The following UBE2Q1 variants were observed in gnomAD, a reference collection of about 807,000 sequenced individuals.
UBE2Q1 encodes the protein ubiquitin-conjugating enzyme E2 Q1.
UBE2Q1 carries 6 observed loss-of-function variants against 60.1 expected under a neutral mutation model. The ratio of observed to expected loss-of-function variants is 0.10; its 90% CI spans 0.05 to 0.20. The LOEUF (loss-of-function observed/expected upper bound fraction) is 0.20. Among genes scored for constraint, UBE2Q1 ranks in the 10% least tolerant of loss-of-function variants. UBE2Q1 has a pLI of 1.00. For synonymous variants in UBE2Q1, 226 were observed against 208.3 expected, an observed-to-expected ratio of 1.09 and a Z score of -0.73; for missense variants, 262 against 525.8, an observed-to-expected ratio of 0.50 and a Z score of 4.91.
intron 3 of UBE2Q1, 112 bp downstream of exon 3, chr1:154,555,315 GT>G: frequency 4.4e-6 from 4 of 898,878 alleles, no homozygotes; most frequent in Non-Finnish European, 7.3e-6. Flanking sequence ...AGACGTGTAT[GT>G]TTTTGGGAGC....
chr1:154,555,987 A>G, intron 1 of UBE2Q1, 23 bp from the exon 2 acceptor site: 1 of 1,607,756 alleles, frequency 6.2e-7, no homozygotes, highest in Non-Finnish European at 8.5e-7. Context: ...GAGCAATAAG[A>G]GCAATCAAAA....
chr1:154,555,574 T>C, intron 2 of UBE2Q1, 42 bp from the exon 3 acceptor site: 1 of 1,574,528 alleles, frequency 6.4e-7, no homozygotes, highest in Non-Finnish European at 8.7e-7. Flanking sequence ...CCTTCCCCAC[T>C]CCGATCTGGA....
Position 154,558,465 on chromosome 1 carries a change from C to T in UBE2Q1, c.89G>A (p.Gly30Asp), listed in dbSNP as rs1398856343. 2.4e-6 allele frequency: 3 copies of T among 1,250,466 alleles called. No individual in the cohort carries two copies. The highest frequency in any genetic ancestry group is 3.1e-6 in the Non-Finnish European group (3 of 975,454). The allele number at this position is 1,250,466 out of a possible 1,614,324, so 77.5% of individuals were successfully genotyped here. Reference protein sequence around the residue: ...GQGAAPGAGGGPGGGPGPGPC... With the variant: ...GQGAAPGAGGDPGGGPGPGPC... The stretch of plus-strand genomic sequence containing the variant: ...CCCCGGCCCCGGGCCCCCCCCTGGG[C>T]CGCCCCCGGCCCCCGGCGCCGCCCC... Residue 30 changes from glycine (G) to aspartate (D), a missense_variant, in exon 1 of 13, where the codon GGC becomes GAC. Gly to Asp is a moderately conservative substitution (Grantham distance 94). Around this residue, in one of 5 missense-constraint regions of UBE2Q1, gnomAD observed 70 missense variants for 56.7 expected, o/e 1.24. Transcript: ENST00000292211.
Position 154,550,305 on chromosome 1 carries a change from G to C in UBE2Q1, c.*133C>G. ...CGTTTAGAATAGCCATCATTGTCCTGCAATAGGCAGAGCTATCACGTCCAG... is the reference window on the plus strand; with the variant it reads ...CGTTTAGAATAGCCATCATTGTCCTCCAATAGGCAGAGCTATCACGTCCAG... On this transcript the variant is annotated 3_prime_UTR_variant, in exon 13 of 13. Transcript: ENST00000292211. 1 of 1,187,986 alleles carries C rather than the reference G, an allele frequency of 8.4e-7. No homozygotes were observed. Among genetic ancestry groups the C allele is most frequent in the Non-Finnish European group, 1.2e-6 (1 of 816,300 alleles). The allele number at this position is 1,187,986 out of a possible 1,614,324, so 73.6% of individuals were successfully genotyped here.
At position 154,554,801 on chromosome 1, in the gene UBE2Q1, G is replaced by C. The variant is rs768233777; in HGVS notation, c.538-16C>G. The stretch of plus-strand genomic sequence containing the variant: ...CCTGTGTGCACTGCAGCAAGGAAGG[G>C]AAAGATGGAGATCAGAGCCCCAGTG... On this transcript the variant is annotated splice_polypyrimidine_tract_variant and intron_variant, in intron 3 of 12. Transcript: ENST00000292211. 3.7e-6 allele frequency: 6 copies of C among 1,612,696 alleles called. No homozygotes were observed. The highest frequency in any genetic ancestry group is 3.3e-5 in the Admixed American group (2 of 59,972).
rs1695936415 is a variant in UBE2Q1 at position 154,558,579 on chromosome 1, C to G, written c.-26G>C. ...CCTCCGCTCCGCTCCGCTCCGGGGCCGGCGGGCCGGGAGCCTCCGGCCTGC... is the reference window on the plus strand; with the variant it reads ...CCTCCGCTCCGCTCCGCTCCGGGGCGGGCGGGCCGGGAGCCTCCGGCCTGC... On this transcript the variant is annotated 5_prime_UTR_variant, in exon 1 of 13. Coordinates refer to ENST00000292211, the MANE Select transcript of UBE2Q1 (RefSeq NM_017582.7). 1 of 1,018,848 alleles carries G rather than the reference C, an allele frequency of 9.8e-7. No individual in the cohort carries two copies. The highest frequency in any genetic ancestry group is 1.2e-6 in the Non-Finnish European group (1 of 856,164). 63.1% of individuals were successfully genotyped at this position (1,018,848 alleles called of 1,614,324 possible). A position where few individuals can be genotyped will look rare whatever the true frequency, so the allele number is the denominator to read the frequency against.
At chr1:154,552,495 G>T in intron 6 of UBE2Q1, 31 bp from the exon 7 acceptor site, 3 of 1,613,494 alleles carry the variant, frequency 1.9e-6, no homozygotes, top group South Asian at 1.1e-5. Context: ...GGTGTTAGTA[G>T]AATGGTCCAG....
chr1:154,558,380 G>A lies in UBE2Q1; in HGVS notation c.174C>T (p.Arg58=), dbSNP rs996544511. ...LESIFHRGHE[R]FRIASACLDE... is the part of the protein sequence containing the mutation. ...CCAGGCAGGCGCTGGCAATGCGGAA[G>A]CGCTCGTGGCCGCGGTGGAAGATGG... is the stretch of plus-strand genomic sequence containing the variant. The change falls in exon 1 of 13, where the codon CGC becomes CGT. Residue 58 remains arginine, a synonymous_variant. Transcript: ENST00000292211. 4 of 1,539,886 alleles carry A rather than the reference G, an allele frequency of 2.6e-6. No homozygotes were observed. In the African/African-American group the frequency reaches 5.6e-5, roughly 22 times the overall value.
chr1:154,551,659 C>A, intron 10 of UBE2Q1, 112 bp downstream of exon 10: 3 of 1,522,952 alleles, frequency 2.0e-6, no homozygotes, highest in Non-Finnish European at 2.7e-6. Context: ...CCCAGCCCAG[C>A]AGAATGAAAG....
In UBE2Q1 at chr1:154,558,486, G is replaced by A; in HGVS notation, c.68C>T (p.Ala23Val). 1 of 997,428 alleles carries A rather than the reference G, an allele frequency of 1.0e-6. No homozygotes were observed. Among genetic ancestry groups the A allele is most frequent in the Non-Finnish European group, 1.2e-6 (1 of 806,200 alleles). 61.8% of individuals were successfully genotyped at this position (997,428 alleles called of 1,614,324 possible). A position where few individuals can be genotyped will look rare whatever the true frequency, so the allele number is the denominator to read the frequency against. ...TGGGCCGCCCCCGGCCCCCGGCGCC[G>A]CCCCCTGGCCCCCCAGCTGCTGCCC... ...GPGQQLGGQG[A>V]APGAGGGPGG... Residue 23 changes from alanine to valine, a missense_variant, in exon 1 of 13, where the codon GCG (alanine) becomes GTG (valine). Around this residue, in one of 5 missense-constraint regions of UBE2Q1, gnomAD observed 70 missense variants for 56.7 expected, o/e 1.24. Coordinates refer to ENST00000292211, the MANE Select transcript of UBE2Q1 (RefSeq NM_017582.7).
chr1:154,551,333 G>C, intron 11 of UBE2Q1, 64 bp downstream of exon 11: 3 of 1,546,918 alleles, frequency 1.9e-6, no homozygotes, highest in Non-Finnish European at 2.7e-6. Context: ...GCCTTGGCCT[G>C]CTAGTGGCCC....
rs929694043 is a variant in UBE2Q1, at chr1:154,550,273, T to A, written c.*165A>T. 6.3e-6 allele frequency: 6 copies of A among 955,590 alleles called. No homozygotes were observed. Among genetic ancestry groups the A allele is most frequent in the Non-Finnish European group, 8.0e-6 (5 of 626,124 alleles). 59.2% of individuals were successfully genotyped at this position (955,590 alleles called of 1,614,324 possible). A position where few individuals can be genotyped will look rare whatever the true frequency, so the allele number is the denominator to read the frequency against. Reference sequence around the variant, plus strand: ...GAAACAGTTCTGTGTTTGTTTTTTTTCCTTAGCGTTTAGAATAGCCATCAT... The same window carrying A: ...GAAACAGTTCTGTGTTTGTTTTTTTACCTTAGCGTTTAGAATAGCCATCAT... On this transcript the variant is annotated 3_prime_UTR_variant, in exon 13 of 13. Coordinates refer to ENST00000292211, the MANE Select transcript of UBE2Q1 (RefSeq NM_017582.7).
chr1:154,558,618 C>T lies in UBE2Q1; in HGVS notation c.-65G>A, dbSNP rs1304560791. 3 of 509,642 alleles carry T rather than the reference C, an allele frequency of 5.9e-6. No homozygotes were observed. Among genetic ancestry groups the T allele is most frequent in the Non-Finnish European group, 6.5e-6 (3 of 461,188 alleles). The allele number at this position is 509,642 out of a possible 1,614,324, so 31.6% of individuals were successfully genotyped here. Reference sequence around the variant, plus strand: ...CCTCCGGCCTGCGCTCCGGGCTCCGCCGCCGCCGCCGCCGCCGCCGCCGCC... The same window carrying T: ...CCTCCGGCCTGCGCTCCGGGCTCCGTCGCCGCCGCCGCCGCCGCCGCCGCC... On this transcript the variant is annotated 5_prime_UTR_variant, in exon 1 of 13. Transcript: ENST00000292211.
chr1:154,548,756 A>G lies in UBE2Q1; in HGVS notation c.*1682T>C, dbSNP rs934960089. 1.3e-5 allele frequency: 2 copies of G among 152,634 alleles called. No homozygotes were observed. The highest frequency in any genetic ancestry group is 2.1e-4 in the South Asian group (1 of 4,832). 9.5% of individuals were successfully genotyped at this position (152,634 alleles called of 1,614,324 possible). On this transcript the variant is annotated 3_prime_UTR_variant, in exon 13 of 13. Coordinates refer to ENST00000292211, the MANE Select transcript of UBE2Q1 (RefSeq NM_017582.7). Reference sequence around the variant, plus strand: ...GCCTTGAAAACCAGATTTCAGCTCTATGGAATGAATTTTCCCCTTATGTCC... The same window carrying G: ...GCCTTGAAAACCAGATTTCAGCTCTGTGGAATGAATTTTCCCCTTATGTCC...
intron 3 of UBE2Q1, chr1:154,555,149 G>A (rs1382946077): frequency 3.6e-6 from 2 of 559,148 alleles, no homozygotes; most frequent in Non-Finnish European, 6.4e-6. Flanking sequence ...GCCACCAACT[G>A]TTATTGCTAA....
chr1:154,558,232 T>G lies in UBE2Q1; in HGVS notation c.322A>C (p.Ile108Leu). Residue 108 changes from isoleucine to leucine, a missense_variant, in exon 1 of 13, where the codon ATC becomes CTC. By Grantham distance (5) the Ile-to-Leu change is conservative (BLOSUM62 2). This residue lies in a region of UBE2Q1 where 111 missense variants were observed against 266.8 expected (regional missense o/e 0.42). Transcript: ENST00000292211. ...PGDPVRIHCNITESYPAVPPI... is the reference protein window; with the variant it reads ...PGDPVRIHCNLTESYPAVPPI... ...GCACGCGAGGGGGTCCTCACCGTGA[T>G]GTTGCAGTGGATGCGGACAGGATCC... The G allele has an allele frequency of 6.5e-7, 1 of 1,544,462 alleles. No homozygotes were observed. The highest frequency in any genetic ancestry group is 8.7e-7 in the Non-Finnish European group (1 of 1,147,284).
At chr1:154,557,969 G>A (rs1695921450) in intron 1 of UBE2Q1, among the ~76,000 whole-genome samples, 1 of 152,014 alleles carries the variant, frequency 6.6e-6, no homozygotes, top group African/African-American at 2.4e-5. Flanking sequence ...ATGAACCTTG[G>A]GATGTGGGTG....
rs1356654139 is a variant in UBE2Q1, at chr1:154,558,433, G to A, written c.121C>T (p.Leu41=). Residue 41 remains leucine, a synonymous_variant, in exon 1 of 13, where the codon CTG becomes TTG. Transcript: ENST00000292211. The part of the protein sequence containing the change: ...PGGGPGPGPC[L]RRELKLLESI... ...TCGAGCAGCTTCAGCTCTCGCCTCA[G>A]GCAGGGCCCCGGCCCCGGGCCCCCC... The A allele has an allele frequency of 6.7e-7, 1 of 1,493,108 alleles. No individual in the cohort carries two copies. The highest frequency in any genetic ancestry group is 8.9e-7 in the Non-Finnish European group (1 of 1,125,484). 92.5% of individuals were successfully genotyped at this position (1,493,108 alleles called of 1,614,324 possible).
In UBE2Q1 at chr1:154,549,573, C is replaced by T. The variant is rs1235073108; in HGVS notation, c.*865G>A. ...AGCTGAGATCAGAAAAGACCACATA[C>T]ACACTTGGAGACTGTGTCCCCATCC... On this transcript the variant is annotated 3_prime_UTR_variant, in exon 13 of 13. Coordinates refer to ENST00000292211, the MANE Select transcript of UBE2Q1 (RefSeq NM_017582.7). The T allele has an allele frequency of 6.6e-6, 1 of 150,466 alleles. No homozygotes were observed. Among genetic ancestry groups the T allele is most frequent in the African/African-American group, 2.5e-5 (1 of 39,240 alleles). 9.3% of individuals were successfully genotyped at this position (150,466 alleles called of 1,614,324 possible).
Sources: allele counts gnomAD v4.1 joint callset (sites outside exome capture counted in the v4.1 genomes callset), GRCh38; gene constraint gnomAD v4.1.1; regional missense constraint gnomAD v4.1.1; transcripts MANE v1.5; gene names NCBI Gene and HGNC (gene_info 2026-07-23, HGNC 2026-07-21).